The following AKAP9 variants were observed in gnomAD, a reference collection of about 807,000 sequenced individuals.
AKAP9 encodes the protein A-kinase anchor protein 9.
A neutral mutation model predicts 488.5 loss-of-function variants in AKAP9; 311 were observed. That is an observed-to-expected ratio of 0.64 (90% confidence interval 0.58 to 0.70). The LOEUF (loss-of-function observed/expected upper bound fraction) is 0.70. Ranked by LOEUF, AKAP9 falls within the 30% of genes least tolerant of loss-of-function variation. AKAP9 has a pLI of 0.00. For missense variants in AKAP9, 4,215 were observed against 4,374.5 expected, an observed-to-expected ratio of 0.96 and a Z score of 1.03; for synonymous variants, 1,462 against 1,483.5, an observed-to-expected ratio of 0.99 and a Z score of 0.33.
At chr7:92,073,421 C>T (rs570290995) in intron 28 of AKAP9, among the ~76,000 whole-genome samples, 1 of 151,350 alleles carries the variant, frequency 6.6e-6, no homozygotes, top group East Asian at 1.9e-4. Flanking sequence ...CAGGAGAATG[C>T]TGTGAACCCG....
Position 92,012,649 on chromosome 7 carries a change from T to C in AKAP9, c.3532+7T>C. The C allele has an allele frequency of 6.3e-7, 1 of 1,594,254 alleles. No individual in the cohort carries two copies. Among genetic ancestry groups the C allele is most frequent in the East Asian group, 2.2e-5 (1 of 44,728 alleles). On this transcript the variant is annotated splice_region_variant and intron_variant, in intron 9 of 49. Transcript: ENST00000356239. ...ATGAAAACACAAGAAACAGGTAAAA[T>C]GGTTTCTGACTTATAAGTACCATGA...
chr7:92,066,930 T>C (rs898403654), intron 26 of AKAP9, among the ~76,000 whole-genome samples: 1 of 152,218 alleles, frequency 6.6e-6, no homozygotes, highest in Non-Finnish European at 1.5e-5. Context: ...TACCTTCTAC[T>C]CCATTTAAAT....
intron 1 of AKAP9, among the ~76,000 whole-genome samples, chr7:91,963,750 C>A (rs927919185): frequency 3.3e-5 from 5 of 152,134 alleles, no homozygotes; most frequent in South Asian, 4.1e-4. Flanking sequence ...GAACTCCTGA[C>A]CTTGTGATCC....
Position 92,082,570 on chromosome 7 carries a change from G to A in AKAP9, c.8068G>A (p.Glu2690Lys). 6.2e-7 allele frequency: 1 copy of A among 1,613,822 alleles called. No individual in the cohort carries two copies. Among genetic ancestry groups the A allele is most frequent in the Non-Finnish European group, 8.5e-7 (1 of 1,179,860 alleles). Reference sequence around the variant, plus strand: ...CAATGAAGAAAGTGGATTTTTTAATGAACTCGAGGCTCTTAGAGCTGAATC... The same window carrying A: ...CAATGAAGAAAGTGGATTTTTTAATAAACTCGAGGCTCTTAGAGCTGAATC... ...HSNEESGFFN[E>K]LEALRAESVA... Residue 2690 changes from glutamate (E) to lysine (K), a missense_variant, in exon 32 of 50, where the codon GAA becomes AAA. This residue lies in a region of AKAP9 where 1,476 missense variants were observed against 1,477.4 expected (regional missense o/e 1.00). Transcript: ENST00000356239.
At chr7:91,994,888 T>C in intron 6 of AKAP9, 112 bp downstream of exon 6, 2 of 971,032 alleles carry the variant, frequency 2.1e-6, no homozygotes, top group South Asian at 1.6e-5. Flanking sequence ...TATTATATCA[T>C]GTATGAAAAA....
chr7:91,995,162 A>G (rs1432431063), intron 6 of AKAP9, among the ~76,000 whole-genome samples: 1 of 152,236 alleles, frequency 6.6e-6, no homozygotes, highest in Non-Finnish European at 1.5e-5. Context: ...AGCCACAGGA[A>G]TCTAACTGCA....
chr7:91,999,259 T>C (rs1798824564), intron 7 of AKAP9, among the ~76,000 whole-genome samples: 1 of 152,184 alleles, frequency 6.6e-6, no homozygotes, highest in African/African-American at 2.4e-5. Context: ...AGAGTCTCGC[T>C]CTGTCTCCCA....
intron 3 of AKAP9, among the ~76,000 whole-genome samples, chr7:91,984,228 G>C (rs1796785392): frequency 6.6e-6 from 1 of 152,108 alleles, no homozygotes; most frequent in Admixed American, 6.6e-5. Context: ...AAAGGTTATT[G>C]CCTAGGTTTT....
At chr7:91,983,152 A>G (rs1436339379) in intron 3 of AKAP9, among the ~76,000 whole-genome samples, 1 of 151,970 alleles carries the variant, frequency 6.6e-6, no homozygotes, top group African/African-American at 2.4e-5. Flanking sequence ...TGCTGCACCC[A>G]TTAACTCGTC....
intron 21 of AKAP9, among the ~76,000 whole-genome samples, chr7:92,047,036 T>C (rs1004810237): frequency 6.6e-6 from 1 of 152,184 alleles, no homozygotes; most frequent in Non-Finnish European, 1.5e-5. Context: ...ACTGTCTCCA[T>C]AAAAGGGAAT....
intron 21 of AKAP9, among the ~76,000 whole-genome samples, chr7:92,050,417 T>C (rs539371210): frequency 6.6e-6 from 1 of 152,206 alleles, no homozygotes; most frequent in East Asian, 1.9e-4. Flanking sequence ...GGGAGGTCAG[T>C]GTTGTCCTCT....
In AKAP9 at chr7:92,047,952, T is replaced by C. The variant is rs182919536; in HGVS notation, c.5368+2739T>C. 8.5e-5 allele frequency among the ~76,000 whole-genome samples: 13 copies of C among 152,298 alleles called. No homozygotes were observed. The East Asian group carries it at 1.5e-3, about 18-fold the overall frequency. ...AATAAAATTGGAGCAACCACTAATA[T>C]TACTGGGGGACAGTTAATGGATCCA... On this transcript the variant is annotated intron_variant, in intron 21 of 49. Transcript: ENST00000356239.
intron 43 of AKAP9, among the ~76,000 whole-genome samples, 188 bp downstream of exon 43, chr7:92,098,402 G>GA (rs1329314009): frequency 1.3e-5 from 2 of 152,030 alleles, no homozygotes; most frequent in Non-Finnish European, 2.9e-5. Context: ...CTTAGGGGGG[G>GA]AATTAGCTTT....
At chr7:91,999,746 T>G (rs1249961818) in intron 7 of AKAP9, among the ~76,000 whole-genome samples, 3 of 152,216 alleles carry the variant, frequency 2.0e-5, no homozygotes, top group African/African-American at 4.8e-5. Flanking sequence ...TGGTAATGTT[T>G]TTTCTAGAGC....
At chr7:92,094,718 A>C (rs976492911) in intron 39 of AKAP9, among the ~76,000 whole-genome samples, 1 of 152,072 alleles carries the variant, frequency 6.6e-6, no homozygotes, top group African/African-American at 2.4e-5. Flanking sequence ...CTGTAGTCCC[A>C]GCTACCCGGG....
chr7:92,076,013 C>T (rs1264107588), intron 28 of AKAP9, among the ~76,000 whole-genome samples: 1 of 152,094 alleles, frequency 6.6e-6, no homozygotes, highest in Non-Finnish European at 1.5e-5. Context: ...TCTTAGTTTG[C>T]TTTTTGATCA....
intron 1 of AKAP9, among the ~76,000 whole-genome samples, chr7:91,945,117 C>T (rs768037709): frequency 1.3e-5 from 2 of 152,162 alleles, no homozygotes; most frequent in African/African-American, 2.4e-5. Flanking sequence ...AATCCCAACA[C>T]TGGGAGGCTG....
At chr7:92,109,024 C>A in intron 49 of AKAP9, 2 of 290,694 alleles carry the variant, frequency 6.9e-6, no homozygotes, top group Non-Finnish European at 1.3e-5. Flanking sequence ...CCAGCCTGGG[C>A]AGCAGAGCGA....
rs187554004 is a variant in AKAP9, at chr7:92,049,765, G to T, written c.5369-2961G>T. On this transcript the variant is annotated intron_variant, in intron 21 of 49. Transcript: ENST00000356239. ...GTTTATACTTTCAAAATGTTATTAA[G>T]AAAATACCTTAAGCTAGGTGACGTC... 5.1e-3 allele frequency among the ~76,000 whole-genome samples: 772 copies of T among 151,870 alleles called. 2 individuals carry two copies. The highest frequency in any genetic ancestry group is 8.3e-3 in the Non-Finnish European group (564 of 67,990).
Sources: allele counts gnomAD v4.1 joint callset (sites outside exome capture counted in the v4.1 genomes callset), GRCh38; gene constraint gnomAD v4.1.1; regional missense constraint gnomAD v4.1.1; transcripts MANE v1.5; gene names NCBI Gene and HGNC (gene_info 2026-07-23, HGNC 2026-07-21).